Variants in PPM1H observed in about 807,000 individuals in gnomAD.
PPM1H encodes the protein protein phosphatase, Mg2+/Mn2+ dependent 1H.
In PPM1H, 27 loss-of-function variants were observed where a neutral mutation model predicts 54.9. That is an observed-to-expected ratio of 0.49 (90% CI 0.36 to 0.68). The LOEUF is 0.68. Among genes scored for constraint, PPM1H ranks in the 30% least tolerant of loss-of-function variants. The pLI, the probability that PPM1H is intolerant of heterozygous loss-of-function variation, is 0.00. For missense variants in PPM1H, 596 were observed against 667.8 expected, an observed-to-expected ratio of 0.89 and a Z score of 1.19; for synonymous variants, 305 against 270.8, an observed-to-expected ratio of 1.13 and a Z score of -1.24.
At chr12:62,697,133 C>CTTT (rs543565296) in intron 6 of PPM1H, among the ~76,000 whole-genome samples, 6 of 146,532 alleles carry the variant, frequency 4.1e-5, no homozygotes, top group Admixed American at 6.8e-5. Context: ...GGTCTGTGTT[C>CTTT]TTTTTTTTTT....
intron 8 of PPM1H, among the ~76,000 whole-genome samples, chr12:62,670,303 C>A (rs2075949866): frequency 6.6e-6 from 1 of 152,014 alleles, no homozygotes; most frequent in African/African-American, 2.4e-5. Context: ...TTGGGTTATA[C>A]CTACAATAAA....
At chr12:62,916,378 ACATCT>A (rs1343444518) in intron 1 of PPM1H, among the ~76,000 whole-genome samples, 1 of 152,170 alleles carries the variant, frequency 6.6e-6, no homozygotes, top group Non-Finnish European at 1.5e-5. Flanking sequence ...CACAATCTAA[ACATCT>A]TCTGTTTTGG....
chr12:62,802,060 G>T lies in PPM1H; in HGVS notation c.512C>A (p.Thr171Lys). The T allele has an allele frequency of 6.2e-7, 1 of 1,613,298 alleles. No individual in the cohort carries two copies. Among genetic ancestry groups the T allele is most frequent in the Non-Finnish European group, 8.5e-7 (1 of 1,179,714 alleles). ...VASRLLQHHI[T>K]EQLQDIVDIL... ...GTCCACGATGTCCTGCAGCTGCTCC[G>T]TGATGTGGTGCTGCAGCAGGCGTGA... Residue 171 changes from threonine (T) to lysine (K), a missense_variant, in exon 3 of 10, where the codon ACG becomes AAG. Transcript: ENST00000228705.
chr12:62,883,164 T>A (rs1870457130), intron 1 of PPM1H, among the ~76,000 whole-genome samples: 1 of 152,148 alleles, frequency 6.6e-6, no homozygotes, highest in Non-Finnish European at 1.5e-5. Context: ...CCCTCCTCCA[T>A]CCTGCTCACT....
chr12:62,901,431 G>A (rs1007745748), intron 1 of PPM1H, among the ~76,000 whole-genome samples: 3 of 152,222 alleles, frequency 2.0e-5, no homozygotes, highest in East Asian at 3.8e-4. Context: ...TGAAATCTGA[G>A]GCAAGCCAAA....
At position 62,670,054 on chromosome 12, in the gene PPM1H, T is replaced by G. The variant is rs79108400; in HGVS notation, c.1246-2725A>C. Reference sequence around the variant, plus strand: ...GTGCAATGGCATGATCTCAGCTCACTGCAACCTCTGCCTCCCAGGTTGAAG... The same window carrying G: ...GTGCAATGGCATGATCTCAGCTCACGGCAACCTCTGCCTCCCAGGTTGAAG... On this transcript the variant is annotated intron_variant, in intron 8 of 9. Coordinates refer to ENST00000228705, the MANE Select transcript of PPM1H (RefSeq NM_020700.2). 8.2e-5 allele frequency among the ~76,000 whole-genome samples: 11 copies of G among 133,342 alleles called. No homozygotes were observed. The South Asian group carries it at 1.6e-3, about 19-fold the overall frequency. 87.5% of individuals were successfully genotyped at this position (133,342 alleles called of 152,430 possible). A position where few individuals can be genotyped will look rare whatever the true frequency, so the allele number is the denominator to read the frequency against.
chr12:62,685,307 G>T (rs2076045382), intron 8 of PPM1H, among the ~76,000 whole-genome samples: 2 of 151,966 alleles, frequency 1.3e-5, no homozygotes, highest in South Asian at 2.1e-4. Context: ...GGCCCCCAAG[G>T]TCCCAAGACA....
intron 2 of PPM1H, among the ~76,000 whole-genome samples, chr12:62,813,920 T>G (rs1326166520): frequency 6.6e-6 from 1 of 151,144 alleles, no homozygotes; most frequent in African/African-American, 2.5e-5. Context: ...CTGTTGTTAT[T>G]TTAAAACGTT....
intron 1 of PPM1H, among the ~76,000 whole-genome samples, chr12:62,897,639 G>A (rs1039810847): frequency 1.3e-5 from 2 of 152,088 alleles, no homozygotes; most frequent in Middle Eastern, 3.2e-3. Context: ...TAGCTGGAAT[G>A]GTGTGGGATC....
intron 4 of PPM1H, among the ~76,000 whole-genome samples, chr12:62,767,272 G>C (rs1002669241): frequency 6.6e-6 from 1 of 152,104 alleles, no homozygotes; most frequent in Non-Finnish European, 1.5e-5. Context: ...GCTGGCTGAA[G>C]ACAAACCCTG....
At chr12:62,852,631 T>C (rs976442035) in intron 1 of PPM1H, among the ~76,000 whole-genome samples, 3 of 152,180 alleles carry the variant, frequency 2.0e-5, no homozygotes, top group Non-Finnish European at 4.4e-5. Context: ...ACATAATTGG[T>C]TTGGGCAAAG....
At chr12:62,898,632 A>G (rs927955058) in intron 1 of PPM1H, among the ~76,000 whole-genome samples, 1 of 152,130 alleles carries the variant, frequency 6.6e-6, no homozygotes, top group Non-Finnish European at 1.5e-5. Flanking sequence ...AAATACACAG[A>G]TTTTTTCCAA....
At position 62,648,289 on chromosome 12, in the gene PPM1H, T is replaced by C. The variant is rs2075797744; in HGVS notation, c.*200A>G. The C allele has an allele frequency of 3.3e-6, 2 of 599,022 alleles. No individual in the cohort carries two copies. Among genetic ancestry groups the C allele is most frequent in the Non-Finnish European group, 5.7e-6 (2 of 351,660 alleles). 37.1% of individuals were successfully genotyped at this position (599,022 alleles called of 1,614,324 possible). On this transcript the variant is annotated 3_prime_UTR_variant, in exon 10 of 10. Transcript: ENST00000228705. ...GGTAGCAGCCTTTGTGTTTTGCTCT[T>C]GTTGAGTTGACCTGTTACTAAAGAA...
chr12:62,880,893 C>G (rs761689499), intron 1 of PPM1H, among the ~76,000 whole-genome samples: 1 of 152,164 alleles, frequency 6.6e-6, no homozygotes, highest in Non-Finnish European at 1.5e-5. Flanking sequence ...GAACCATCCT[C>G]TGTGTCTGCA....
At chr12:62,881,692 T>C (rs1189388347) in intron 1 of PPM1H, among the ~76,000 whole-genome samples, 1 of 152,236 alleles carries the variant, frequency 6.6e-6, no homozygotes, top group Admixed American at 6.5e-5. Flanking sequence ...CTGACATCAA[T>C]GTTTCCTCTT....
intron 2 of PPM1H, among the ~76,000 whole-genome samples, chr12:62,831,274 C>A (rs955220254): frequency 6.6e-6 from 1 of 152,100 alleles, no homozygotes; most frequent in Non-Finnish European, 1.5e-5. Flanking sequence ...TGGGTCAGTC[C>A]ATTCTGTGTC....
chr12:62,848,487 T>A (rs1869057510), intron 1 of PPM1H, among the ~76,000 whole-genome samples: 1 of 152,198 alleles, frequency 6.6e-6, no homozygotes, highest in Non-Finnish European at 1.5e-5. Context: ...TTGGGTAGAA[T>A]GGTTCTCAGA....
chr12:62,804,593 G>GTAGT (rs1457651221), intron 2 of PPM1H, among the ~76,000 whole-genome samples: 4 of 150,982 alleles, frequency 2.6e-5, no homozygotes, highest in Non-Finnish European at 4.4e-5. Flanking sequence ...TACACCTGTA[G>GTAGT]TAGTCCCTAG....
intron 1 of PPM1H, among the ~76,000 whole-genome samples, chr12:62,881,739 C>G (rs552530924): frequency 1.1e-4 from 16 of 152,320 alleles, no homozygotes; most frequent in African/African-American, 3.6e-4. Context: ...TTGATTCCAT[C>G]TCTTCAATAG....
Sources: allele counts gnomAD v4.1 joint callset (sites outside exome capture counted in the v4.1 genomes callset), GRCh38; gene constraint gnomAD v4.1.1; transcripts MANE v1.5; gene names NCBI Gene and HGNC (gene_info 2026-07-23, HGNC 2026-07-21).